The following GNL3 variants were observed in gnomAD, a reference collection of about 807,000 sequenced individuals.
The protein encoded by GNL3 is guanine nucleotide-binding protein-like 3.
GNL3 carries 77 observed loss-of-function variants against 70.6 expected under a neutral mutation model. The ratio of observed to expected loss-of-function variants is 1.09; its 90% CI spans 0.91 to 1.32. GNL3 has a LOEUF of 1.32. GNL3 is among the 40% of genes most tolerant of loss of function. The pLI, the probability that GNL3 is intolerant of heterozygous loss-of-function variation, is 0.00. For missense variants in GNL3, 634 were observed against 644.0 expected (o/e 0.98, Z 0.17); for synonymous variants, 252 against 216.1 (o/e 1.17, Z -1.46).
At chr3:52,692,821 T>C (rs763414232) in intron 9 of GNL3, 51 bp from the exon 10 acceptor site, 7 of 1,440,836 alleles carry the variant, frequency 4.9e-6, no homozygotes, top group South Asian at 4.6e-5. Context: ...TTCTGTCTCT[T>C]AACCTCCAAA....
At position 52,693,428 on chromosome 3, in the gene GNL3, G is replaced by A; in HGVS notation, c.1208G>A (p.Cys403Tyr). 1 of 1,613,954 alleles carries A rather than the reference G, an allele frequency of 6.2e-7. No individual in the cohort carries two copies. The highest frequency in any genetic ancestry group is 1.1e-5 in the South Asian group (1 of 91,062). ...EWTGASLAYY[C>Y]HPPTSWTPPP... ...ATCAGTGCCTCATTAGCTTACTATT[G>A]CCATCCCCCTACATCTTGGACTCCT... is the stretch of plus-strand genomic sequence containing the variant. Residue 403 changes from cysteine (C) to tyrosine (Y), a missense_variant, in exon 12 of 15, where the codon TGC (cysteine) becomes TAC (tyrosine). By Grantham distance (194) the Cys-to-Tyr change is radical. Coordinates refer to ENST00000418458, the MANE Select transcript of GNL3 (RefSeq NM_014366.5).
rs570607588 is a variant in GNL3 at position 52,692,911 on chromosome 3, C to A, written c.909C>A (p.Ile303=). 6.2e-7 allele frequency: 1 copy of A among 1,613,382 alleles called. No homozygotes were observed. Among genetic ancestry groups the A allele is most frequent in the East Asian group, 2.2e-5 (1 of 44,862 alleles). Residue 303 remains isoleucine, a synonymous_variant, in exon 10 of 15, where the codon ATC becomes ATA. Coordinates refer to ENST00000418458, the MANE Select transcript of GNL3 (RefSeq NM_014366.5). ...TCCCCTTGGACAAACAGATCACAAT[C>A]ATAGATAGTCCGAGCTTCATCGTAT... is the stretch of plus-strand genomic sequence containing the variant. ...QVVPLDKQIT[I]IDSPSFIVSP... is the part of the protein sequence containing the mutation.
At position 52,691,550 on chromosome 3, in the gene GNL3, A is replaced by G; in HGVS notation, c.790A>G (p.Asn264Asp). The change falls in exon 9 of 15, where the codon AAT becomes GAT. Residue 264 changes from asparagine (N) to aspartate (D), a missense_variant. Asn to Asp is a conservative substitution (Grantham distance 23, BLOSUM62 1). Coordinates refer to ENST00000418458, the MANE Select transcript of GNL3 (RefSeq NM_014366.5). ...TTCCCATTTATTTGTAGGTTTCCCA[A>G]ATGTGGGGAAAAGCAGCATTATCAA... is the stretch of plus-strand genomic sequence containing the variant. The part of the protein sequence containing the change: ...AIRVGVIGFP[N>D]VGKSSIINSL... 1 of 1,578,006 alleles carries G rather than the reference A, an allele frequency of 6.3e-7. No homozygotes were observed. Among genetic ancestry groups the G allele is most frequent in the Non-Finnish European group, 8.7e-7 (1 of 1,149,826 alleles).
intron 9 of GNL3, among the ~76,000 whole-genome samples, 154 bp downstream of exon 9, chr3:52,691,783 A>G (rs1046823055): frequency 6.7e-6 from 1 of 150,132 alleles, no homozygotes; most frequent in South Asian, 2.1e-4. Flanking sequence ...GCTCACTGCA[A>G]CCTCCACCTC....
intron 7 of GNL3, 92 bp from the exon 8 acceptor site, chr3:52,690,853 C>A: frequency 1.5e-6 from 2 of 1,345,194 alleles, no homozygotes; most frequent in Non-Finnish European, 2.1e-6. Flanking sequence ...ATGTAGTTAT[C>A]TTAAGAGCTG....
At position 52,686,827 on chromosome 3, in the gene GNL3, G is replaced by C. The variant is rs777450203; in HGVS notation, c.72G>C (p.Lys24Asn). The change falls in exon 2 of 15, where the codon AAG (lysine) becomes AAC (asparagine). Residue 24 changes from lysine (K) to asparagine (N), a missense_variant and splice_region_variant. Coordinates refer to ENST00000418458, the MANE Select transcript of GNL3 (RefSeq NM_014366.5). The part of the protein sequence containing the change: ...TCHKRYKIQK[K>N]VREHHRKLRK... The stretch of plus-strand genomic sequence containing the variant: ...ATAAGCGGTATAAAATCCAAAAAAA[G>C]GTAAGTGTAGTGCTTGAGAGAGCTG... 2.5e-6 allele frequency: 4 copies of C among 1,604,644 alleles called. No individual in the cohort carries two copies. Among genetic ancestry groups the C allele is most frequent in the Non-Finnish European group, 2.6e-6 (3 of 1,171,322 alleles).
chr3:52,686,407 C>T, intron 1 of GNL3: 2 of 579,882 alleles, frequency 3.4e-6, no homozygotes, highest in Non-Finnish European at 6.1e-6. Flanking sequence ...TTTCCGTGGC[C>T]ACGTGCAGAC....
Position 52,687,484 on chromosome 3 carries a change from C to T in GNL3, c.211-18C>T. 2.5e-6 allele frequency: 4 copies of T among 1,597,296 alleles called. No homozygotes were observed. The highest frequency in any genetic ancestry group is 2.6e-6 in the Non-Finnish European group (3 of 1,164,890). ...ACACTAGTCACTGGTTCACCTATTT[C>T]CCTTATGGCTCTGACAGCTTGAAGA... On this transcript the variant is annotated intron_variant, in intron 3 of 14. Coordinates refer to ENST00000418458, the MANE Select transcript of GNL3 (RefSeq NM_014366.5).
At chr3:52,692,531 G>C (rs376252667) in intron 9 of GNL3, among the ~76,000 whole-genome samples, 1 of 151,522 alleles carries the variant, frequency 6.6e-6, no homozygotes, top group East Asian at 1.9e-4. Context: ...TGGCCAGGCT[G>C]GTCTCAAACT....
At position 52,693,008 on chromosome 3, in the gene GNL3, G is replaced by A; in HGVS notation, c.1006G>A (p.Ala336Thr). 1 of 1,614,176 alleles carries A rather than the reference G, an allele frequency of 6.2e-7. No homozygotes were observed. Among genetic ancestry groups the A allele is most frequent in the South Asian group, 1.1e-5 (1 of 91,090 alleles). ...ASIEVVKPME[A>T]ASAILSQADA... ...TATTGAAGTAGTAAAACCGATGGAG[G>A]CTGCCAGTGCCATCCTTTCCCAGGC... Residue 336 changes from alanine (A) to threonine (T), a missense_variant, in exon 10 of 15, where the codon GCT becomes ACT. Ala to Thr is a moderately conservative substitution (Grantham distance 58). Coordinates refer to ENST00000418458, the MANE Select transcript of GNL3 (RefSeq NM_014366.5).
rs1191536961 is a variant in GNL3, at chr3:52,693,331, T to C, written c.1187+2T>C. ...ACTGCTGTGGTCTGAGTGGACAGGG[T>C]AAGCTTTCTTTTCTGTTGGCATTTT... On this transcript the variant is annotated splice_donor_variant, in intron 11 of 14. Coordinates refer to ENST00000418458, the MANE Select transcript of GNL3 (RefSeq NM_014366.5). LOFTEE classifies it high-confidence loss of function. 1 of 1,613,758 alleles carries C rather than the reference T, an allele frequency of 6.2e-7. No homozygotes were observed. Among genetic ancestry groups the C allele is most frequent in the South Asian group, 1.1e-5 (1 of 91,042 alleles).
chr3:52,687,183 C>G (rs375021929), intron 2 of GNL3, 63 bp from the exon 3 acceptor site: 2 of 1,431,002 alleles, frequency 1.4e-6, no homozygotes, highest in African/African-American at 2.8e-5. Context: ...TGGTTTCTCA[C>G]TTGAATTCTG....
chr3:52,692,754 A>G (rs1333255263), intron 9 of GNL3, 118 bp from the exon 10 acceptor site: 1 of 804,242 alleles, frequency 1.2e-6, no homozygotes, highest in Non-Finnish European at 2.2e-6. Flanking sequence ...GCAAATGATG[A>G]TAAACTGGAT....
At chr3:52,690,883 T>A in intron 7 of GNL3, 62 bp from the exon 8 acceptor site, 8 of 1,558,630 alleles carry the variant, frequency 5.1e-6, no homozygotes, top group Non-Finnish European at 7.1e-6. Flanking sequence ...GCCTGATTGC[T>A]TGGGGTTTGT....
chr3:52,692,681 A>G (rs150182993), intron 9 of GNL3, 191 bp from the exon 10 acceptor site: 5 of 746,206 alleles, frequency 6.7e-6, no homozygotes, highest in East Asian at 5.0e-5. Context: ...TATATAAGCT[A>G]TAACATGTAG....
chr3:52,687,809 C>T lies in GNL3; in HGVS notation c.324+194C>T, dbSNP rs887306120. The T allele has an allele frequency of 8.4e-6, 5 of 596,268 alleles. No individual in the cohort carries two copies. In the African/African-American group the frequency reaches 9.3e-5, roughly 11 times the overall value. The allele number at this position is 596,268 out of a possible 1,614,324, so 36.9% of individuals were successfully genotyped here. ...ATCACGCCTGGCTAATTTTTTTTAG[C>T]AGACACGGGCTTTCACTATATTGCC... On this transcript the variant is annotated intron_variant, in intron 4 of 14. Coordinates refer to ENST00000418458, the MANE Select transcript of GNL3 (RefSeq NM_014366.5).
chr3:52,689,242 A>G, intron 6 of GNL3, 36 bp downstream of exon 6: 1 of 1,579,894 alleles, frequency 6.3e-7, no homozygotes, highest in South Asian at 1.1e-5. Context: ...TTCTGTGTAC[A>G]TGGGTGAGGT....
At chr3:52,687,904 G>T in intron 4 of GNL3, 1 of 597,448 alleles carries the variant, frequency 1.7e-6, no homozygotes, top group African/African-American at 1.9e-5. Flanking sequence ...GTGGGCTGTT[G>T]TGCCTGGCTG....
At chr3:52,686,392 T>C in intron 1 of GNL3, 1 of 583,234 alleles carries the variant, frequency 1.7e-6, no homozygotes, top group Non-Finnish European at 3.0e-6. Context: ...AGGCCCAATA[T>C]TTTCTTTCCG....
Sources: gnomAD v4.1 joint callset for allele counts (sites outside exome capture counted in the v4.1 genomes callset) on GRCh38, gnomAD v4.1.1 for gene constraint, MANE v1.5 for transcripts, NCBI Gene and HGNC (gene_info 2026-07-23, HGNC 2026-07-21) for gene names.